WDR70: variants seen among roughly 807,000 people sequenced by gnomAD.
WDR70 encodes WD repeat-containing protein 70.
A neutral mutation model predicts 88.6 loss-of-function variants in WDR70; 53 were observed. The ratio of observed to expected loss-of-function variants is 0.60; its 90% CI spans 0.48 to 0.75. The LOEUF is 0.75. Among genes scored for constraint, WDR70 ranks in the 30% least tolerant of loss-of-function variants. The pLI is 0.00. For missense variants in WDR70, 610 were observed against 823.2 expected, an observed-to-expected ratio of 0.74 and a Z score of 3.17; for synonymous variants, 280 against 270.0, an observed-to-expected ratio of 1.04 and a Z score of -0.36.
At chr5:37,664,386 C>G (rs1259251801) in intron 10 of WDR70, among the ~76,000 whole-genome samples, 2 of 152,194 alleles carry the variant, frequency 1.3e-5, no homozygotes, top group Non-Finnish European at 2.9e-5. Flanking sequence ...TGAGTCCTAC[C>G]TATAGATCCA....
intron 9 of WDR70, among the ~76,000 whole-genome samples, chr5:37,528,387 C>G (rs764190829): frequency 2.0e-5 from 3 of 152,090 alleles, no homozygotes; most frequent in Non-Finnish European, 2.9e-5. Context: ...GGACAAAAAA[C>G]TAAACACCCC....
intron 8 of WDR70, among the ~76,000 whole-genome samples, chr5:37,501,683 A>G (rs1324313176): frequency 2.0e-5 from 3 of 152,084 alleles, no homozygotes; most frequent in Non-Finnish European, 2.9e-5. Flanking sequence ...TCCCAGCACC[A>G]TTTATTGAAT....
chr5:37,496,169 C>A (rs1030992427), intron 8 of WDR70, among the ~76,000 whole-genome samples: 1 of 152,158 alleles, frequency 6.6e-6, no homozygotes, highest in African/African-American at 2.4e-5. Context: ...CCAATCAGTG[C>A]TCTGTAAAAT....
intron 9 of WDR70, among the ~76,000 whole-genome samples, chr5:37,544,939 G>C (rs904099445): frequency 4.6e-5 from 7 of 152,038 alleles, no homozygotes; most frequent in Non-Finnish European, 8.8e-5. Flanking sequence ...TCACATAAGT[G>C]AATCTCAGAA....
intron 13 of WDR70, among the ~76,000 whole-genome samples, chr5:37,710,270 T>C (rs1382504289): frequency 1.3e-5 from 2 of 152,194 alleles, no homozygotes; most frequent in African/African-American, 4.8e-5. Flanking sequence ...AACACATGTA[T>C]GGATTCATGT....
At chr5:37,543,992 G>T (rs1256870749) in intron 9 of WDR70, among the ~76,000 whole-genome samples, 1 of 152,190 alleles carries the variant, frequency 6.6e-6, no homozygotes, top group South Asian at 2.1e-4. Flanking sequence ...GTCTGGTCTC[G>T]AACTCCTGAC....
chr5:37,512,140 G>C (rs1740739095), intron 8 of WDR70, among the ~76,000 whole-genome samples: 1 of 152,100 alleles, frequency 6.6e-6, no homozygotes, highest in African/African-American at 2.4e-5. Context: ...TCCTTGGCTT[G>C]TGGCTATATA....
intron 6 of WDR70, among the ~76,000 whole-genome samples, chr5:37,439,699 T>C: frequency 6.6e-6 from 1 of 151,858 alleles, no homozygotes; most frequent in African/African-American, 2.4e-5. Context: ...AATGTTGGAT[T>C]AGAAGGTGAC....
intron 9 of WDR70, among the ~76,000 whole-genome samples, chr5:37,554,832 G>A (rs1049263866): frequency 6.6e-6 from 1 of 151,980 alleles, no homozygotes; most frequent in Non-Finnish European, 1.5e-5. Flanking sequence ...TCAGCCTCTC[G>A]AGTATTGGGA....
intron 6 of WDR70, among the ~76,000 whole-genome samples, chr5:37,438,816 G>A (rs1484962105): frequency 6.6e-6 from 1 of 151,844 alleles, no homozygotes; most frequent in African/African-American, 2.4e-5. Flanking sequence ...AAATGAAATG[G>A]AAAAGATGTA....
At chr5:37,493,239 TG>T (rs1252234583) in intron 8 of WDR70, among the ~76,000 whole-genome samples, 16 of 152,194 alleles carry the variant, frequency 1.1e-4, no homozygotes, top group African/African-American at 3.4e-4. Flanking sequence ...TCTGTCACAA[TG>T]TGGCTACATT....
chr5:37,587,872 C>T (rs1426759116), intron 9 of WDR70, among the ~76,000 whole-genome samples: 3 of 150,908 alleles, frequency 2.0e-5, no homozygotes, highest in South Asian at 2.1e-4. Flanking sequence ...CTCCACCTCC[C>T]GGGTTCAAGT....
At chr5:37,476,854 A>G (rs1324428381) in intron 7 of WDR70, among the ~76,000 whole-genome samples, 1 of 150,402 alleles carries the variant, frequency 6.6e-6, no homozygotes, top group Non-Finnish European at 1.5e-5. Flanking sequence ...TCTTTTTTTA[A>G]GAGATTGGGT....
intron 10 of WDR70, among the ~76,000 whole-genome samples, chr5:37,617,447 G>C (rs1434058998): frequency 2.0e-5 from 3 of 152,200 alleles, no homozygotes; most frequent in Non-Finnish European, 4.4e-5. Context: ...TGTTTAAAAA[G>C]TGGGTGATCT....
rs1344200602 is a variant in WDR70 at position 37,459,066 on chromosome 5, G to A, written c.686+15694G>A. ...GGTTTCAAAGAACATCTTTATTTCTGCCTTCATTTCGTTATGTACCCAGTA... is the reference window on the plus strand; with the variant it reads ...GGTTTCAAAGAACATCTTTATTTCTACCTTCATTTCGTTATGTACCCAGTA... On this transcript the variant is annotated intron_variant, in intron 7 of 17. Coordinates refer to ENST00000265107, the MANE Select transcript of WDR70 (RefSeq NM_018034.4). Among the ~76,000 whole-genome samples the A allele has an allele frequency of 3.5e-4, 11 of 31,874 alleles. No individual in the cohort carries two copies. The South Asian group carries it at 0.013, about 38-fold the overall frequency. The allele number at this position is 31,874 out of a possible 152,430, so 20.9% of individuals were successfully genotyped here. A position where few individuals can be genotyped will look rare whatever the true frequency, so the allele number is the denominator to read the frequency against.
At chr5:37,719,359 C>A (rs112329302) in intron 13 of WDR70, among the ~76,000 whole-genome samples, 76 of 147,822 alleles carry the variant, frequency 5.1e-4, no homozygotes, top group East Asian at 1.2e-3. Context: ...ACCCCCCCCC[C>A]AAAAAATACC....
intron 10 of WDR70, among the ~76,000 whole-genome samples, chr5:37,677,522 A>G (rs1417422030): frequency 6.6e-6 from 1 of 152,168 alleles, no homozygotes; most frequent in Admixed American, 6.5e-5. Context: ...CAGGTTGTTC[A>G]GTTTCCATGT....
intron 5 of WDR70, among the ~76,000 whole-genome samples, chr5:37,404,046 A>G (rs1749280772): frequency 6.6e-6 from 1 of 152,192 alleles, no homozygotes; most frequent in Admixed American, 6.6e-5. Context: ...CAGCTAACCT[A>G]GTGTTTCTTA....
intron 10 of WDR70, among the ~76,000 whole-genome samples, chr5:37,649,521 G>A (rs1349640565): frequency 4.7e-5 from 7 of 150,184 alleles, no homozygotes; most frequent in Non-Finnish European, 1.0e-4. Flanking sequence ...TTGAGATGAA[G>A]GGAGGGGGAA....
Sources: gnomAD v4.1 joint callset for allele counts (sites outside exome capture counted in the v4.1 genomes callset) on GRCh38, gnomAD v4.1.1 for gene constraint, MANE v1.5 for transcripts, NCBI Gene and HGNC (gene_info 2026-07-23, HGNC 2026-07-21) for gene names.